The following CD86 variants were observed in gnomAD, a reference collection of about 807,000 sequenced individuals.
CD86 encodes CD86 molecule, also known as T-lymphocyte activation antigen CD86.
In CD86, 11 loss-of-function variants were observed where a neutral mutation model predicts 32.1. That is an observed-to-expected ratio of 0.34 (90% confidence interval 0.22 to 0.57). The LOEUF is 0.57. Among genes scored for constraint, CD86 ranks in the 20% least tolerant of loss-of-function variants. The pLI, the probability that CD86 is intolerant of heterozygous loss-of-function variation, is 0.86. For synonymous variants in CD86, 137 were observed against 135.3 expected, an observed-to-expected ratio of 1.01 and a Z score of -0.09; for missense variants, 359 against 398.4, an observed-to-expected ratio of 0.90 and a Z score of 0.84.
intron 1 of CD86, among the ~76,000 whole-genome samples, chr3:122,061,995 A>G (rs1286098911): frequency 6.6e-6 from 1 of 152,152 alleles, no homozygotes; most frequent in Non-Finnish European, 1.5e-5. Context: ...GTTACCACTG[A>G]AGGAAGCTGG....
chr3:122,082,575 C>G (rs1419642509), intron 1 of CD86, among the ~76,000 whole-genome samples: 1 of 152,226 alleles, frequency 6.6e-6, no homozygotes, highest in East Asian at 1.9e-4. Context: ...GAATCCTACA[C>G]TAGGATTGGA....
chr3:122,100,951 G>A (rs1266771138), intron 2 of CD86, among the ~76,000 whole-genome samples: 1 of 152,086 alleles, frequency 6.6e-6, no homozygotes, highest in Non-Finnish European at 1.5e-5. Flanking sequence ...CACAGACCTT[G>A]AGCCAAACTT....
At chr3:122,115,274 T>C (rs1308338090) in intron 5 of CD86, among the ~76,000 whole-genome samples, 1 of 152,086 alleles carries the variant, frequency 6.6e-6, no homozygotes, top group Admixed American at 6.5e-5. Flanking sequence ...TCAAATAATA[T>C]TAAAAACTTG....
intron 1 of CD86, among the ~76,000 whole-genome samples, chr3:122,087,978 T>C (rs11717893): frequency 0.25 from 38,129 of 152,026 alleles, 4,893 homozygotes; most frequent in African/African-American, 0.3. Context: ...CAAGATTCCT[T>C]AGAGCAATAC....
chr3:122,070,689 A>C, intron 1 of CD86, among the ~76,000 whole-genome samples: 1 of 152,220 alleles, frequency 6.6e-6, no homozygotes, highest in East Asian at 1.9e-4. Context: ...TTACCTAAGG[A>C]ATTGACATAA....
chr3:122,077,885 A>G (rs903425636), intron 1 of CD86: 4 of 985,462 alleles, frequency 4.1e-6, no homozygotes, highest in Non-Finnish European at 4.8e-6. Flanking sequence ...CAGTCCTGGC[A>G]TTATTTCTCT....
rs367767569 is a variant in CD86 at position 122,089,795 on chromosome 3, T to C, written c.15-1806T>C. Among the ~76,000 whole-genome samples the C allele has an allele frequency of 3.3e-5, 5 of 152,290 alleles. No individual in the cohort carries two copies. In the East Asian group the frequency reaches 9.6e-4, roughly 29 times the overall value. The stretch of plus-strand genomic sequence containing the variant: ...AACGTTAAGTATCCATCACTAGTGG[T>C]CTGGAAATATATATATATTATTGTC... On this transcript the variant is annotated intron_variant, in intron 1 of 6. Coordinates refer to ENST00000330540, the MANE Select transcript of CD86 (RefSeq NM_175862.5).
At chr3:122,064,443 C>G (rs544265421) in intron 1 of CD86, among the ~76,000 whole-genome samples, 2 of 152,188 alleles carry the variant, frequency 1.3e-5, no homozygotes, top group African/African-American at 4.8e-5. Context: ...AGCCCGTATG[C>G]TGCAAATGGC....
chr3:122,100,457 G>C (rs1356908308), intron 2 of CD86, among the ~76,000 whole-genome samples: 1 of 152,208 alleles, frequency 6.6e-6, no homozygotes, highest in Non-Finnish European at 1.5e-5. Flanking sequence ...GTAATGGAAT[G>C]AGGCTTTCAA....
intron 1 of CD86, among the ~76,000 whole-genome samples, chr3:122,062,990 A>C: frequency 6.6e-6 from 1 of 152,180 alleles, no homozygotes; most frequent in Non-Finnish European, 1.5e-5. Flanking sequence ...AGATAAGAGA[A>C]GGGCATGCCA....
intron 1 of CD86, among the ~76,000 whole-genome samples, chr3:122,076,428 A>G (rs1337805262): frequency 1.3e-5 from 2 of 152,212 alleles, no homozygotes; most frequent in African/African-American, 4.8e-5. Context: ...CAATAAGAAA[A>G]TCAAATGAAC....
chr3:122,097,542 GTC>G (rs903549623), intron 2 of CD86, among the ~76,000 whole-genome samples: 1 of 152,224 alleles, frequency 6.6e-6, no homozygotes, highest in African/African-American at 2.4e-5. Context: ...CCAGTCGAGG[GTC>G]AGGTAATCAG....
chr3:122,109,621 AC>A (rs938493491), intron 5 of CD86, among the ~76,000 whole-genome samples: 4 of 152,218 alleles, frequency 2.6e-5, no homozygotes, highest in Non-Finnish European at 5.9e-5. Context: ...GACATTTCTA[AC>A]CTCTGGTTTA....
Position 122,103,768 on chromosome 3 carries a change from G to C in CD86, c.321G>C (p.Leu107Phe). The change falls in exon 3 of 7, where the codon TTG (leucine) becomes TTC (phenylalanine). Residue 107 changes from leucine (L) to phenylalanine (F), a missense_variant. Leu to Phe is a conservative substitution (Grantham distance 22). Transcript: ENST00000330540. ...ATCTTCAGATCAAGGACAAGGGCTT[G>C]TATCAATGTATCATCCATCACAAAA... ...LHNLQIKDKG[L>F]YQCIIHHKKP... 2 of 1,614,042 alleles carry C rather than the reference G, an allele frequency of 1.2e-6. No homozygotes were observed. Among genetic ancestry groups the C allele is most frequent in the Non-Finnish European group, 1.7e-6 (2 of 1,179,918 alleles).
Position 122,120,794 on chromosome 3 carries a change from G to C in CD86, c.*1260G>C, listed in dbSNP as rs17281995. 0.14 allele frequency: 20,665 copies of C among 152,660 alleles called. 1,420 individuals carry two copies. Among genetic ancestry groups the C allele is most frequent in the Non-Finnish European group, 0.15 (10,284 of 68,288 alleles). 9.5% of individuals were successfully genotyped at this position (152,660 alleles called of 1,614,324 possible). ...CCCAGCATAGGGCTAGCAAATTTGA[G>C]TTGGATGATTGTTTTTGCTCAAGGC... On this transcript the variant is annotated 3_prime_UTR_variant, in exon 7 of 7. Coordinates refer to ENST00000330540, the MANE Select transcript of CD86 (RefSeq NM_175862.5).
At chr3:122,101,505 A>ATATATATATAT (rs1559909685) in intron 2 of CD86, among the ~76,000 whole-genome samples, 2 of 45,480 alleles carry the variant, frequency 4.4e-5, no homozygotes, top group African/African-American at 1.4e-4. Context: ...GAAAAAAAAA[A>ATATATATATAT]AAAAAAAAAT....
At chr3:122,071,169 T>C (rs1218488259) in intron 1 of CD86, among the ~76,000 whole-genome samples, 1 of 152,194 alleles carries the variant, frequency 6.6e-6, no homozygotes, top group Non-Finnish European at 1.5e-5. Context: ...TTTCTCTCTT[T>C]GGGTTGTACA....
intron 1 of CD86, among the ~76,000 whole-genome samples, chr3:122,079,200 A>G (rs897980394): frequency 2.0e-5 from 3 of 152,204 alleles, no homozygotes; most frequent in Admixed American, 2.0e-4. Flanking sequence ...ATGTGACTAT[A>G]TCAGCTGATT....
intron 1 of CD86, chr3:122,077,791 A>G: frequency 6.1e-6 from 6 of 985,446 alleles, no homozygotes; most frequent in Non-Finnish European, 6.0e-6. Flanking sequence ...GGCAGAAGTT[A>G]TTTGGAACCA....
Sources: allele counts gnomAD v4.1 joint callset (sites outside exome capture counted in the v4.1 genomes callset), GRCh38; gene constraint gnomAD v4.1.1; transcripts MANE v1.5; gene names NCBI Gene and HGNC (gene_info 2026-07-23, HGNC 2026-07-21).